Variants in UNC93B1 observed in about 807,000 individuals in gnomAD.
UNC93B1 encodes unc-93B1 regulator of TLR signaling, also known as protein unc-93 homolog B1.
UNC93B1 carries 33 observed loss-of-function variants against 56.8 expected under a neutral mutation model. The observed-to-expected ratio is 0.58, with a 90% CI of 0.44 to 0.78. UNC93B1 has a LOEUF of 0.78. Among genes scored for constraint, UNC93B1 ranks in the 30% least tolerant of loss-of-function variants. The probability of loss-of-function intolerance (pLI) is 0.00; values close to 1 mark genes in which losing one functional copy is unlikely to be tolerated. For missense variants in UNC93B1, 673 were observed against 819.5 expected (o/e 0.82, Z 2.18); for synonymous variants, 334 against 358.6 (o/e 0.93, Z 0.77).
At chr11:67,996,495 T>G in intron 8 of UNC93B1, 107 bp downstream of exon 8, 1 of 1,388,638 alleles carries the variant, frequency 7.2e-7, no homozygotes, top group African/African-American at 1.5e-5. Flanking sequence ...GGGATATACA[T>G]GTACACACTT....
chr11:68,000,481 A>G (rs553046826), intron 3 of UNC93B1, among the ~76,000 whole-genome samples: 1 of 152,194 alleles, frequency 6.6e-6, no homozygotes, highest in African/African-American at 2.4e-5. Context: ...CCTGGCCAAC[A>G]TGGTGAAACC....
intron 7 of UNC93B1, among the ~76,000 whole-genome samples, chr11:67,997,059 A>G (rs1263075404): frequency 6.6e-6 from 1 of 151,344 alleles, no homozygotes; most frequent in Non-Finnish European, 1.5e-5. Flanking sequence ...TCTCTCACAT[A>G]CACACACTTC....
At chr11:67,999,498 C>A in intron 4 of UNC93B1, 21 bp downstream of exon 4, 15 of 1,545,266 alleles carry the variant, frequency 9.7e-6, no homozygotes, top group Non-Finnish European at 1.3e-5. Context: ...AGCCTCCTGC[C>A]CTGCTGCCCA....
chr11:67,996,181 C>T (rs905485954), intron 8 of UNC93B1, among the ~76,000 whole-genome samples: 1 of 151,214 alleles, frequency 6.6e-6, no homozygotes, highest in African/African-American at 2.4e-5. Flanking sequence ...GGGCCCCCCG[C>T]GATACGGGGA....
chr11:67,996,786 T>C lies in UNC93B1; in HGVS notation c.907-2A>G. 2 of 1,541,118 alleles carry C rather than the reference T, an allele frequency of 1.3e-6. No homozygotes were observed. Among genetic ancestry groups the C allele is most frequent in the Non-Finnish European group, 1.8e-6 (2 of 1,138,486 alleles). ...AGCGGCTCCGCACAAACCCAGCACCTGCGAACCCATTACTTGAAGGGGCGG... is the reference window on the plus strand; with the variant it reads ...AGCGGCTCCGCACAAACCCAGCACCCGCGAACCCATTACTTGAAGGGGCGG... On this transcript the variant is annotated splice_acceptor_variant, in intron 7 of 10. Coordinates refer to ENST00000227471, the MANE Select transcript of UNC93B1 (RefSeq NM_030930.4). LOFTEE classifies it high-confidence loss of function.
intron 3 of UNC93B1, among the ~76,000 whole-genome samples, chr11:68,001,521 C>T (rs1022407898): frequency 3.3e-5 from 5 of 152,116 alleles, no homozygotes; most frequent in East Asian, 3.9e-4. Context: ...TGATGGCGTG[C>T]GCCTGTAGGC....
rs1856830773 is a variant in UNC93B1, at chr11:67,991,144, A to G, written c.*402T>C. On this transcript the variant is annotated 3_prime_UTR_variant, in exon 11 of 11. Transcript: ENST00000227471. Reference sequence around the variant, plus strand: ...CTTTATTGCTCATTTTCTGTAAAAAATCGTGGCTCTCGGCGGACCCTGGGG... The same window carrying G: ...CTTTATTGCTCATTTTCTGTAAAAAGTCGTGGCTCTCGGCGGACCCTGGGG... The G allele has an allele frequency of 5.4e-6, 1 of 185,112 alleles. No individual in the cohort carries two copies. The highest frequency in any genetic ancestry group is 2.3e-5 in the African/African-American group (1 of 42,580). 11.5% of individuals were successfully genotyped at this position (185,112 alleles called of 1,614,324 possible).
At chr11:67,999,052 A>G (rs1433197502) in intron 5 of UNC93B1, 121 bp downstream of exon 5, 3 of 1,436,078 alleles carry the variant, frequency 2.1e-6, no homozygotes, top group South Asian at 1.4e-5. Flanking sequence ...TAGTGAGACC[A>G]GGCCTCTTAA....
At position 67,999,513 on chromosome 11, in the gene UNC93B1, G is replaced by A. The variant is rs1379486092; in HGVS notation, c.554+6C>T. 4.5e-6 allele frequency: 7 copies of A among 1,548,428 alleles called. No individual in the cohort carries two copies. The highest frequency in any genetic ancestry group is 1.7e-4 in the Middle Eastern group (1 of 5,994). Reference sequence around the variant, plus strand: ...AGCCTCCTGCCCTGCTGCCCACCAGGCTCACCTGGTGATGTAGTTGCCCAT... The same window carrying A: ...AGCCTCCTGCCCTGCTGCCCACCAGACTCACCTGGTGATGTAGTTGCCCAT... On this transcript the variant is annotated splice_donor_region_variant and intron_variant, in intron 4 of 10. Transcript: ENST00000227471.
chr11:68,004,046 C>G lies in UNC93B1; in HGVS notation c.-3G>C. The G allele has an allele frequency of 7.2e-7, 1 of 1,385,026 alleles. No homozygotes were observed. Among genetic ancestry groups the G allele is most frequent in the East Asian group, 3.1e-5 (1 of 32,008 alleles). The allele number at this position is 1,385,026 out of a possible 1,614,324, so 85.8% of individuals were successfully genotyped here. A position where few individuals can be genotyped will look rare whatever the true frequency, so the allele number is the denominator to read the frequency against. On this transcript the variant is annotated 5_prime_UTR_variant, in exon 1 of 11. Coordinates refer to ENST00000227471, the MANE Select transcript of UNC93B1 (RefSeq NM_030930.4). ...TAGAGCGGCGGCTCCGCCTCCATGG[C>G]CCGAACTACTGCGGACTCGCGGCGG... is the stretch of plus-strand genomic sequence containing the variant.
chr11:68,003,200 T>A lies in UNC93B1; in HGVS notation c.239-25A>T. The A allele has an allele frequency of 1.3e-6, 2 of 1,599,358 alleles. No homozygotes were observed. Among genetic ancestry groups the A allele is most frequent in the Non-Finnish European group, 1.7e-6 (2 of 1,176,856 alleles). On this transcript the variant is annotated intron_variant, in intron 2 of 10. Coordinates refer to ENST00000227471, the MANE Select transcript of UNC93B1 (RefSeq NM_030930.4). This position sits in a 1 kb window ranked among gnomAD's most constrained non-coding sequence, Gnocchi z 4.4. Reference sequence around the variant, plus strand: ...CCTGGGGACAGGACAGAGAGCGGCGTGCAGGGAGCAGCCTAGCTTTGGGCG... The same window carrying A: ...CCTGGGGACAGGACAGAGAGCGGCGAGCAGGGAGCAGCCTAGCTTTGGGCG...
intron 10 of UNC93B1, among the ~76,000 whole-genome samples, chr11:67,992,639 AC>A (rs1264405458): frequency 7.1e-6 from 1 of 141,524 alleles, no homozygotes; most frequent in East Asian, 2.1e-4. Flanking sequence ...TGCCCAGCCC[AC>A]TCACTGCTTT....
chr11:67,993,994 G>C (rs1418789272), intron 9 of UNC93B1, among the ~76,000 whole-genome samples, 200 bp from the exon 10 acceptor site: 1 of 152,238 alleles, frequency 6.6e-6, no homozygotes, highest in Non-Finnish European at 1.5e-5. Flanking sequence ...ACGCTAAGCA[G>C]AAGTAGGAGC....
rs1242543868 is a variant in UNC93B1 at position 68,003,895 on chromosome 11, G to A, written c.96+53C>T. Reference sequence around the variant, plus strand: ...CCGGCCCGCCCCGCCCCCGCCGGGGGGACCCTGGCCCACAGGGGACGCCCG... The same window carrying A: ...CCGGCCCGCCCCGCCCCCGCCGGGGAGACCCTGGCCCACAGGGGACGCCCG... On this transcript the variant is annotated intron_variant, in intron 1 of 10. Transcript: ENST00000227471. The surrounding 1 kb of genome is among the most constrained non-coding windows in gnomAD (Gnocchi z 4.4). The A allele has an allele frequency of 7.7e-6, 10 of 1,293,786 alleles. No individual in the cohort carries two copies. In the South Asian group the frequency reaches 1.4e-4, roughly 18 times the overall value. 80.1% of individuals were successfully genotyped at this position (1,293,786 alleles called of 1,614,324 possible). A position where few individuals can be genotyped will look rare whatever the true frequency, so the allele number is the denominator to read the frequency against.
At position 67,991,811 on chromosome 11, in the gene UNC93B1, G is replaced by T. The variant is rs1188629100; in HGVS notation, c.1529C>A (p.Ser510Tyr). ...LLVTLVAAAVSYLRMEQKLRR... is the reference protein window; with the variant it reads ...LLVTLVAAAVYYLRMEQKLRR... Reference sequence around the variant, plus strand: ...CAGCTTCTGCTCCATCCGCAGGTAGGAGACCGCGGCCGCCACCAGCGTCAC... The same window carrying T: ...CAGCTTCTGCTCCATCCGCAGGTAGTAGACCGCGGCCGCCACCAGCGTCAC... The change falls in exon 11 of 11, where the codon TCC becomes TAC. Residue 510 changes from serine to tyrosine, a missense_variant. Around this residue, in one of 3 missense-constraint regions of UNC93B1, gnomAD observed 155 missense variants for 268.3 expected, o/e 0.58. Transcript: ENST00000227471. The T allele has an allele frequency of 6.4e-7, 1 of 1,559,304 alleles. No individual in the cohort carries two copies.
intron 4 of UNC93B1, 107 bp from the exon 5 acceptor site, chr11:67,999,412 G>T: frequency 6.5e-7 from 1 of 1,548,654 alleles, no homozygotes; most frequent in Non-Finnish European, 8.7e-7. Context: ...GGAAACTGAG[G>T]CCCAGAGGGC....
At chr11:67,998,659 A>G (rs148643073) in intron 5 of UNC93B1, among the ~76,000 whole-genome samples, 25 of 152,272 alleles carry the variant, frequency 1.6e-4, no homozygotes, top group African/African-American at 4.3e-4. Flanking sequence ...CTCTATCTCT[A>G]TGGATGAGCA....
chr11:67,991,383 C>A lies in UNC93B1; in HGVS notation c.*163G>T, dbSNP rs371774429. 6.5e-4 allele frequency: 443 copies of A among 680,158 alleles called. 10 individuals are homozygous for A. In the East Asian group the frequency reaches 9.2e-3, roughly 14 times the overall value. 42.1% of individuals were successfully genotyped at this position (680,158 alleles called of 1,614,324 possible). A position where few individuals can be genotyped will look rare whatever the true frequency, so the allele number is the denominator to read the frequency against. ...TCCGCCTTGGAGGGGGCTGCGGAAG[C>A]CCGGAGGTGACCTGGGCTCTGGGAG... On this transcript the variant is annotated 3_prime_UTR_variant, in exon 11 of 11. Coordinates refer to ENST00000227471, the MANE Select transcript of UNC93B1 (RefSeq NM_030930.4).
At position 67,991,718 on chromosome 11, in the gene UNC93B1, T is replaced by A; in HGVS notation, c.1622A>T (p.Tyr541Phe). ...RPQHKVRGYR[Y>F]LEEDNSDESD... The stretch of plus-strand genomic sequence containing the variant: ...CTCGTCCGAGTTGTCCTCCTCCAAG[T>A]AGCGGTAACCGCGCACCTTGTGCTG... The change falls in exon 11 of 11, where the codon TAC (tyrosine) becomes TTC (phenylalanine). Residue 541 changes from tyrosine to phenylalanine, a missense_variant. Physicochemically the swap from Tyr to Phe is conservative, Grantham distance 22. Around this residue, in one of 3 missense-constraint regions of UNC93B1, gnomAD observed 80 missense variants for 85.3 expected, o/e 0.94. Coordinates refer to ENST00000227471, the MANE Select transcript of UNC93B1 (RefSeq NM_030930.4). 1 of 1,536,386 alleles carries A rather than the reference T, an allele frequency of 6.5e-7. No homozygotes were observed. The highest frequency in any genetic ancestry group is 8.7e-7 in the Non-Finnish European group (1 of 1,148,182).
Sources: gnomAD v4.1 joint callset for allele counts (sites outside exome capture counted in the v4.1 genomes callset) on GRCh38, gnomAD v4.1.1 for gene constraint, gnomAD v4.1.1 regional missense constraint, Gnocchi (gnomAD v3.1) non-coding constraint, MANE v1.5 for transcripts, NCBI Gene and HGNC (gene_info 2026-07-23, HGNC 2026-07-21) for gene names.